Variants in KCNH8 observed in about 807,000 individuals in gnomAD.
KCNH8 encodes the protein potassium voltage-gated channel subfamily H member 8.
KCNH8 carries 70 observed loss-of-function variants against 103.6 expected under a neutral mutation model. That is an observed-to-expected ratio of 0.68 (90% CI 0.56 to 0.82). KCNH8 has a LOEUF of 0.82. Among genes scored for constraint, KCNH8 ranks in the 40% least tolerant of loss-of-function variants. KCNH8 has a pLI of 0.00. For synonymous variants in KCNH8, 498 were observed against 489.4 expected (o/e 1.02, Z -0.23); for missense variants, 1,217 against 1,329.9 (o/e 0.92, Z 1.32).
intron 8 of KCNH8, among the ~76,000 whole-genome samples, chr3:19,447,567 A>G (rs1475544981): frequency 6.6e-6 from 1 of 152,044 alleles, no homozygotes; most frequent in Non-Finnish European, 1.5e-5. Flanking sequence ...TTTAATCTCC[A>G]TGGAAAGACT....
At chr3:19,401,972 A>G (rs892330137) in intron 7 of KCNH8, among the ~76,000 whole-genome samples, 1 of 151,926 alleles carries the variant, frequency 6.6e-6, no homozygotes, top group Admixed American at 6.6e-5. Flanking sequence ...TGAACCTACA[A>G]TATACTCAGT....
At chr3:19,243,722 C>T (rs571272606) in intron 1 of KCNH8, among the ~76,000 whole-genome samples, 5 of 152,222 alleles carry the variant, frequency 3.3e-5, no homozygotes, top group South Asian at 4.2e-4. Context: ...GGTAATAAAA[C>T]GACTAAAACA....
At chr3:19,422,966 A>T (rs1261419894) in intron 7 of KCNH8, among the ~76,000 whole-genome samples, 1 of 152,150 alleles carries the variant, frequency 6.6e-6, no homozygotes, top group Non-Finnish European at 1.5e-5. Flanking sequence ...AAATCACTGC[A>T]GGTGAAAGAA....
chr3:19,318,964 T>C (rs756957292), intron 3 of KCNH8, among the ~76,000 whole-genome samples: 1 of 151,798 alleles, frequency 6.6e-6, no homozygotes, highest in East Asian at 1.9e-4. Flanking sequence ...TTTGAGACTT[T>C]TCTATTCATG....
intron 1 of KCNH8, among the ~76,000 whole-genome samples, chr3:19,160,337 TG>T (rs558256510): frequency 3.9e-4 from 60 of 152,142 alleles, no homozygotes; most frequent in Non-Finnish European, 7.1e-4. Context: ...TCATTTTTTT[TG>T]GTAAGAGTTT....
chr3:19,454,288 C>T lies in KCNH8; in HGVS notation c.1826-2480C>T, dbSNP rs184206547. ...CCAGTCACCCTATCATCTTGTGATT[C>T]TAAATTAGAATTAATAATTATTCTT... On this transcript the variant is annotated intron_variant, in intron 10 of 15. Coordinates refer to ENST00000328405, the MANE Select transcript of KCNH8 (RefSeq NM_144633.3). 1.6e-3 allele frequency among the ~76,000 whole-genome samples: 236 copies of T among 151,658 alleles called. 1 individual carries two copies. The highest frequency in any genetic ancestry group is 0.01 in the Middle Eastern group (3 of 294).
intron 7 of KCNH8, among the ~76,000 whole-genome samples, chr3:19,395,780 C>T (rs1021186139): frequency 5.9e-5 from 9 of 151,794 alleles, no homozygotes; most frequent in Non-Finnish European, 8.8e-5. Context: ...TGTGTGAGAG[C>T]GAAAGTAAAC....
intron 11 of KCNH8, among the ~76,000 whole-genome samples, chr3:19,500,729 C>T (rs1333027262): frequency 6.6e-6 from 1 of 151,874 alleles, no homozygotes; most frequent in Non-Finnish European, 1.5e-5. Context: ...TCTTTGAAAC[C>T]AACGAGAACA....
At chr3:19,416,585 T>A (rs961078141) in intron 7 of KCNH8, among the ~76,000 whole-genome samples, 4 of 152,306 alleles carry the variant, frequency 2.6e-5, no homozygotes, top group African/African-American at 9.6e-5. Context: ...TTGTAATTTT[T>A]AAAAAATTCT....
chr3:19,290,579 G>A (rs577281795), intron 3 of KCNH8, among the ~76,000 whole-genome samples: 1 of 152,256 alleles, frequency 6.6e-6, no homozygotes, highest in African/African-American at 2.4e-5. Flanking sequence ...AACCAGCCTT[G>A]CATCCCAGGG....
Position 19,403,399 on chromosome 3 carries a change from T to TATATATATATATAA in KCNH8, c.1177+8089_1177+8090insTATATATATATAAA, listed in dbSNP as rs1491066162. On this transcript the variant is annotated intron_variant, in intron 7 of 15. Coordinates refer to ENST00000328405, the MANE Select transcript of KCNH8 (RefSeq NM_144633.3). ...ATATATATATATATATATATATATA[T>TATATATATATATAA]AAAATCCTTCTGTTTATGGTATTAC... is the stretch of plus-strand genomic sequence containing the variant. Among the ~76,000 whole-genome samples the TATATATATATATAA allele has an allele frequency of 8.6e-5, 12 of 139,790 alleles. No individual in the cohort carries two copies. In the East Asian group the frequency reaches 2.2e-3, roughly 26 times the overall value. 91.7% of individuals were successfully genotyped at this position (139,790 alleles called of 152,430 possible). A position where few individuals can be genotyped will look rare whatever the true frequency, so the allele number is the denominator to read the frequency against.
intron 1 of KCNH8, among the ~76,000 whole-genome samples, chr3:19,179,680 A>C (rs1185131871): frequency 1.3e-5 from 2 of 152,166 alleles, no homozygotes; most frequent in Non-Finnish European, 2.9e-5. Flanking sequence ...AATAACAGAT[A>C]GTGTTATTTA....
intron 5 of KCNH8, among the ~76,000 whole-genome samples, chr3:19,371,760 C>A (rs2066099843): frequency 1.3e-5 from 2 of 150,018 alleles, no homozygotes; most frequent in South Asian, 4.2e-4. Flanking sequence ...CGTTTAAAGT[C>A]TTTAATCCAT....
At chr3:19,198,333 G>A (rs920892820) in intron 1 of KCNH8, among the ~76,000 whole-genome samples, 1 of 152,004 alleles carries the variant, frequency 6.6e-6, no homozygotes, top group African/African-American at 2.4e-5. Context: ...TGGAGGAGTT[G>A]GGTGGTAAAA....
intron 11 of KCNH8, among the ~76,000 whole-genome samples, chr3:19,489,807 G>T (rs976349872): frequency 6.6e-6 from 1 of 152,064 alleles, no homozygotes; most frequent in Non-Finnish European, 1.5e-5. Flanking sequence ...CAAAATCAGA[G>T]TATCAAATCC....
At chr3:19,511,174 T>G (rs551524460) in intron 12 of KCNH8, among the ~76,000 whole-genome samples, 1 of 141,704 alleles carries the variant, frequency 7.1e-6, no homozygotes, top group Non-Finnish European at 1.5e-5. Flanking sequence ...CACCAGTGTG[T>G]GATGTTCCCC....
chr3:19,271,634 A>C (rs1235960152), intron 2 of KCNH8, among the ~76,000 whole-genome samples: 1 of 152,170 alleles, frequency 6.6e-6, no homozygotes. Context: ...AATGCATATA[A>C]TACTTCACAG....
chr3:19,518,635 A>G (rs750923812), intron 15 of KCNH8, among the ~76,000 whole-genome samples: 3 of 151,954 alleles, frequency 2.0e-5, no homozygotes, highest in Non-Finnish European at 2.9e-5. Flanking sequence ...CACCAATACA[A>G]TCCAGTGAGT....
At chr3:19,411,996 C>T (rs1018578056) in intron 7 of KCNH8, among the ~76,000 whole-genome samples, 2 of 151,666 alleles carry the variant, frequency 1.3e-5, no homozygotes, top group African/African-American at 4.8e-5. Context: ...AAACTACCAA[C>T]ATCTTCTTTA....
Sources: gnomAD v4.1 joint callset for allele counts (sites outside exome capture counted in the v4.1 genomes callset) on GRCh38, gnomAD v4.1.1 for gene constraint, MANE v1.5 for transcripts, NCBI Gene and HGNC (gene_info 2026-07-23, HGNC 2026-07-21) for gene names.